CD68: variants seen among roughly 807,000 people sequenced by gnomAD.
The protein encoded by CD68 is CD68 molecule, also known as macrosialin.
A neutral mutation model predicts 31.3 loss-of-function variants in CD68; 24 were observed. The observed-to-expected ratio is 0.77, with a 90% confidence interval of 0.55 to 1.08. The LOEUF is 1.08. CD68 is among the 50% of genes least tolerant of loss of function. The probability of loss-of-function intolerance (pLI) is 0.00; values close to 1 mark genes in which losing one functional copy is unlikely to be tolerated. For synonymous variants in CD68, 190 were observed against 179.6 expected (o/e 1.06, Z -0.46); for missense variants, 461 against 442.5 (o/e 1.04, Z -0.38).
In CD68 at chr17:7,581,569, T is replaced by G. The variant is rs975088476; in HGVS notation, c.*58T>G. On this transcript the variant is annotated 3_prime_UTR_variant, in exon 6 of 6. Transcript: ENST00000250092. ...GTTGGGGTGTGGTGGGGGGGTACCC[T>G]TATTTCCTCGACACGCAACTGGCTC... 6.4e-7 allele frequency: 1 copy of G among 1,562,116 alleles called. No homozygotes were observed. Among genetic ancestry groups the G allele is most frequent in the African/African-American group, 1.4e-5 (1 of 73,778 alleles).
In CD68 at chr17:7,579,723, G is replaced by A; in HGVS notation, c.46G>A (p.Ala16Thr). The A allele has an allele frequency of 6.2e-7, 1 of 1,604,438 alleles. No homozygotes were observed. The highest frequency in any genetic ancestry group is 8.5e-7 in the Non-Finnish European group (1 of 1,176,040). Residue 16 changes from alanine (A) to threonine (T), a missense_variant, in exon 1 of 6, where the codon GCA (alanine) becomes ACA (threonine). Transcript: ENST00000250092. ...LFSGALLGLL[A>T]AQGTGNDCPH... is the part of the protein sequence containing the mutation. Reference sequence around the variant, plus strand: ...CTCGGGGGCCCTGCTGGGGCTACTGGCAGGTAAGGAGGAAGGAGGCTGAGG... The same window carrying A: ...CTCGGGGGCCCTGCTGGGGCTACTGACAGGTAAGGAGGAAGGAGGCTGAGG...
In CD68 at chr17:7,579,953, AC is replaced by A; in HGVS notation, c.195del (p.Thr66ProfsTer131). The A allele has an allele frequency of 6.2e-7, 1 of 1,613,706 alleles. No individual in the cohort carries two copies. The highest frequency in any genetic ancestry group is 8.5e-7 in the Non-Finnish European group (1 of 1,179,816). ...CCACAAAACCACCACTCACAGGACA[AC>A]CACCACAGGCACCACCAGCCACGGA... ...KSHKTTTHRT[T>X]TTGTTSHGPT... On this transcript the variant is annotated frameshift_variant, in exon 2 of 6. Transcript: ENST00000250092. LOFTEE classifies it high-confidence loss of function.
Position 7,580,390 on chromosome 17 carries a change from A to C in CD68, c.567+63A>C. On this transcript the variant is annotated intron_variant, in intron 2 of 5. Coordinates refer to ENST00000250092, the MANE Select transcript of CD68 (RefSeq NM_001251.3). This position sits in a 1 kb window ranked among gnomAD's most constrained non-coding sequence, Gnocchi z 4.3. ...AGGACTGGATATAGGCTCAGAGGGA[A>C]GAAGGAAGAGGGGACAGGGAACCTT... The C allele has an allele frequency of 3.7e-6, 6 of 1,609,832 alleles. No individual in the cohort carries two copies. Among genetic ancestry groups the C allele is most frequent in the Non-Finnish European group, 5.1e-6 (6 of 1,177,058 alleles).
At position 7,580,384 on chromosome 17, in the gene CD68, G is replaced by A. The variant is rs1180330737; in HGVS notation, c.567+57G>A. On this transcript the variant is annotated intron_variant, in intron 2 of 5. Coordinates refer to ENST00000250092, the MANE Select transcript of CD68 (RefSeq NM_001251.3). The surrounding 1 kb of genome is among the most constrained non-coding windows in gnomAD (Gnocchi z 4.3). The stretch of plus-strand genomic sequence containing the variant: ...GGAGGCAGGACTGGATATAGGCTCA[G>A]AGGGAAGAAGGAAGAGGGGACAGGG... 6.2e-6 allele frequency: 10 copies of A among 1,609,550 alleles called. No homozygotes were observed. The highest frequency in any genetic ancestry group is 5.0e-5 in the Admixed American group (3 of 59,762).
Position 7,580,109 on chromosome 17 carries a change from G to A in CD68, c.349G>A (p.Gly117Arg). Reference protein sequence around the residue: ...ATHSPATTSHGNATVHPTSNS... With the variant: ...ATHSPATTSHRNATVHPTSNS... ...TCACAGTCCTGCCACCACTAGTCAT[G>A]GAAATGCCACGGTTCATCCAACAAG... Residue 117 changes from glycine (G) to arginine (R), a missense_variant, in exon 2 of 6, where the codon GGA becomes AGA. Coordinates refer to ENST00000250092, the MANE Select transcript of CD68 (RefSeq NM_001251.3). The surrounding 1 kb of genome is among the most constrained non-coding windows in gnomAD (Gnocchi z 4.3). 6.2e-7 allele frequency: 1 copy of A among 1,614,076 alleles called. No individual in the cohort carries two copies. The highest frequency in any genetic ancestry group is 1.3e-5 in the African/African-American group (1 of 75,000).
At position 7,579,639 on chromosome 17, in the gene CD68, C is replaced by G. The variant is rs758679388; in HGVS notation, c.-39C>G. The stretch of plus-strand genomic sequence containing the variant: ...AGGGAGCAGGGTTGAGCAACTGGTG[C>G]AGACAGCCTAGCTGGACTTTGGGTG... On this transcript the variant is annotated 5_prime_UTR_variant, in exon 1 of 6. Transcript: ENST00000250092. The G allele has an allele frequency of 6.3e-7, 1 of 1,587,648 alleles. No homozygotes were observed. Among genetic ancestry groups the G allele is most frequent in the Non-Finnish European group, 8.6e-7 (1 of 1,167,314 alleles).
Position 7,579,983 on chromosome 17 carries a change from A to C in CD68, c.223A>C (p.Thr75Pro). Reference sequence around the variant, plus strand: ...CACAGGCACCACCAGCCACGGACCCACGACTGCCACTCACAACCCCACCAC... The same window carrying C: ...CACAGGCACCACCAGCCACGGACCCCCGACTGCCACTCACAACCCCACCAC... ...TTTGTTSHGP[T>P]TATHNPTTTS... Residue 75 changes from threonine (T) to proline (P), a missense_variant, in exon 2 of 6, where the codon ACG becomes CCG. Coordinates refer to ENST00000250092, the MANE Select transcript of CD68 (RefSeq NM_001251.3). 2 of 1,609,034 alleles carry C rather than the reference A, an allele frequency of 1.2e-6. No homozygotes were observed. The highest frequency in any genetic ancestry group is 1.7e-6 in the Non-Finnish European group (2 of 1,175,896).
chr17:7,581,102 C>T, intron 5 of CD68, 36 bp downstream of exon 5: 1 of 1,572,562 alleles, frequency 6.4e-7, no homozygotes, highest in Non-Finnish European at 8.7e-7. Context: ...CTAGAATCCT[C>T]CCACTGCACT....
chr17:7,580,793 C>G lies in CD68; in HGVS notation c.760+10C>G, dbSNP rs770873295. ...TTCCCCCACGCAGCACGTAAGTAACCTCCTTCCCTTTCTCATTGCTACCAC... is the reference window on the plus strand; with the variant it reads ...TTCCCCCACGCAGCACGTAAGTAACGTCCTTCCCTTTCTCATTGCTACCAC... On this transcript the variant is annotated intron_variant, in intron 4 of 5. Coordinates refer to ENST00000250092, the MANE Select transcript of CD68 (RefSeq NM_001251.3). This position sits in a 1 kb window ranked among gnomAD's most constrained non-coding sequence, Gnocchi z 4.3. 3.1e-6 allele frequency: 5 copies of G among 1,613,870 alleles called. No individual in the cohort carries two copies. In the African/African-American group the frequency reaches 6.7e-5, roughly 22 times the overall value.
chr17:7,580,538 C>T lies in CD68; in HGVS notation c.640C>T (p.Leu214=), dbSNP rs1288331576. ...QGSCEGAHPH[L]LLSFPYGHLS... is the part of the protein sequence containing the mutation. ...AAGCTGTGAGGGTGCCCATCCCCACCTGCTTCTCTCATTCCCCTATGGACA... is the reference window on the plus strand; with the variant it reads ...AAGCTGTGAGGGTGCCCATCCCCACTTGCTTCTCTCATTCCCCTATGGACA... Residue 214 remains leucine, a synonymous_variant, in exon 3 of 6, where the codon CTG becomes TTG. Coordinates refer to ENST00000250092, the MANE Select transcript of CD68 (RefSeq NM_001251.3). This position sits in a 1 kb window ranked among gnomAD's most constrained non-coding sequence, Gnocchi z 4.3. The T allele has an allele frequency of 1.5e-5, 24 of 1,613,970 alleles. No homozygotes were observed. Among genetic ancestry groups the T allele is most frequent in the Non-Finnish European group, 1.9e-5 (23 of 1,180,012 alleles).
Position 7,581,063 on chromosome 17 carries a change from CAA to C in CD68, c.930_931del (p.Ser311PhefsTer6), listed in dbSNP as rs2071478755. The C allele has an allele frequency of 6.2e-7, 1 of 1,612,694 alleles. No individual in the cohort carries two copies. Among genetic ancestry groups the C allele is most frequent in the African/African-American group, 1.3e-5 (1 of 74,856 alleles). On this transcript the variant is annotated frameshift_variant and splice_region_variant, in exon 5 of 6. Transcript: ENST00000250092. LOFTEE classifies it high-confidence loss of function. ...GCTGCCCCACACAGGGGTCTTTGGG[CAA>C]AGTAAGACCTACCTACTCCTTCCCT... ...AQLPHTGVFG[Q>X]SFSCPSDRSI...
Position 7,580,914 on chromosome 17 carries a change from A to G in CD68, c.779A>G (p.Gln260Arg). ...CCTCCAGAGTGGACATTCTCGGCTC[A>G]GAATGCATCCCTTCGAGATCTCCAA... is the stretch of plus-strand genomic sequence containing the variant. ...PHAAQWTFSAQNASLRDLQAP... is the reference protein window; with the variant it reads ...PHAAQWTFSARNASLRDLQAP... The change falls in exon 5 of 6, where the codon CAG becomes CGG. Residue 260 changes from glutamine to arginine, a missense_variant. Physicochemically the swap from Gln to Arg is conservative, Grantham distance 43. Coordinates refer to ENST00000250092, the MANE Select transcript of CD68 (RefSeq NM_001251.3). The surrounding 1 kb of genome is among the most constrained non-coding windows in gnomAD (Gnocchi z 4.3). 1.2e-6 allele frequency: 2 copies of G among 1,613,924 alleles called. No homozygotes were observed. Among genetic ancestry groups the G allele is most frequent in the Non-Finnish European group, 1.7e-6 (2 of 1,179,934 alleles).
At position 7,581,678 on chromosome 17, in the gene CD68, T is replaced by C; in HGVS notation, c.*167T>C. ...GGCTCATGCCTGTAATCCCAGCACT[T>C]TGGGAGGCTGAGGCAGGTGGATCAC... is the stretch of plus-strand genomic sequence containing the variant. On this transcript the variant is annotated 3_prime_UTR_variant, in exon 6 of 6. Transcript: ENST00000250092. 8.5e-6 allele frequency: 6 copies of C among 708,268 alleles called. No individual in the cohort carries two copies. In the South Asian group the frequency reaches 1.1e-4, roughly 13 times the overall value. 43.9% of individuals were successfully genotyped at this position (708,268 alleles called of 1,614,324 possible).
In CD68 at chr17:7,580,752, G is replaced by A. The variant is rs756742931; in HGVS notation, c.729G>A (p.Val243=). 4 of 1,614,060 alleles carry A rather than the reference G, an allele frequency of 2.5e-6. No individual in the cohort carries two copies. The highest frequency in any genetic ancestry group is 3.4e-6 in the Non-Finnish European group (4 of 1,180,024). The change falls in exon 4 of 6, where the codon GTG becomes GTA. Residue 243 remains valine (V), a synonymous_variant. Coordinates refer to ENST00000250092, the MANE Select transcript of CD68 (RefSeq NM_001251.3). This position sits in a 1 kb window ranked among gnomAD's most constrained non-coding sequence, Gnocchi z 4.3. ...QKVVYLSYMA[V]EYNVSFPHAA... ...TTGTCTACCTGAGCTACATGGCGGT[G>A]GAGTACAATGTGTCCTTCCCCCACG...
In CD68 at chr17:7,580,344, G is replaced by A. The variant is rs78180894; in HGVS notation, c.567+17G>A. On this transcript the variant is annotated intron_variant, in intron 2 of 5. Transcript: ENST00000250092. This position sits in a 1 kb window ranked among gnomAD's most constrained non-coding sequence, Gnocchi z 4.3. ...GGAGGAGAGGTAAAGCTAAAACTGG[G>A]GGATGAGAGGGGAGGGAGGCAGGAC... The A allele has an allele frequency of 1.1e-4, 184 of 1,608,356 alleles. No individual in the cohort carries two copies. Among genetic ancestry groups the A allele is most frequent in the Non-Finnish European group, 1.5e-4 (176 of 1,176,016 alleles).
Position 7,581,643 on chromosome 17 carries a change from C to G in CD68, c.*132C>G, listed in dbSNP as rs536599829. 1.0e-6 allele frequency: 1 copy of G among 976,490 alleles called. No individual in the cohort carries two copies. The highest frequency in any genetic ancestry group is 2.6e-5 in the East Asian group (1 of 38,298). The allele number at this position is 976,490 out of a possible 1,614,324, so 60.5% of individuals were successfully genotyped here. On this transcript the variant is annotated 3_prime_UTR_variant, in exon 6 of 6. Transcript: ENST00000250092. ...CTTTCTTGAAGAACAAAAAGAAAGCCGGGCATGACGGCTCATGCCTGTAAT... is the reference window on the plus strand; with the variant it reads ...CTTTCTTGAAGAACAAAAAGAAAGCGGGGCATGACGGCTCATGCCTGTAAT...
chr17:7,581,854 G>A lies in CD68; in HGVS notation c.*343G>A, dbSNP rs181482462. On this transcript the variant is annotated 3_prime_UTR_variant, in exon 6 of 6. Coordinates refer to ENST00000250092, the MANE Select transcript of CD68 (RefSeq NM_001251.3). Reference sequence around the variant, plus strand: ...GAGGCAGAACTGCTTGAACCCAGGAGGTGGAGGTTGCAGTGAGCCGTCATC... The same window carrying A: ...GAGGCAGAACTGCTTGAACCCAGGAAGTGGAGGTTGCAGTGAGCCGTCATC... 3.0e-3 allele frequency: 833 copies of A among 279,252 alleles called. 6 individuals carry two copies. The highest frequency in any genetic ancestry group is 0.017 in the African/African-American group (792 of 46,094). 17.3% of individuals were successfully genotyped at this position (279,252 alleles called of 1,614,324 possible).
In CD68 at chr17:7,579,795, C is replaced by T. The variant is rs760461510; in HGVS notation, c.50-15C>T. The T allele has an allele frequency of 4.3e-6, 7 of 1,609,684 alleles. No homozygotes were observed. The highest frequency in any genetic ancestry group is 3.3e-5 in the Admixed American group (2 of 59,768). ...GCCTGCCCTGGGTTGCTAACCATCT[C>T]CTCTCTGCCAAAAGCCCAGGGGACA... On this transcript the variant is annotated splice_polypyrimidine_tract_variant and intron_variant, in intron 1 of 5. Coordinates refer to ENST00000250092, the MANE Select transcript of CD68 (RefSeq NM_001251.3).
At position 7,580,844 on chromosome 17, in the gene CD68, T is replaced by C. The variant is rs2071475715; in HGVS notation, c.761-52T>C. On this transcript the variant is annotated intron_variant, in intron 4 of 5. Transcript: ENST00000250092. The surrounding 1 kb of genome is among the most constrained non-coding windows in gnomAD (Gnocchi z 4.3). ...TAGACGCCAGGGTTCCTGAAAGGAC[T>C]AAGCTGGGGCCAGGGAGGTGGATAG... 1 of 1,613,714 alleles carries C rather than the reference T, an allele frequency of 6.2e-7. No individual in the cohort carries two copies. Among genetic ancestry groups the C allele is most frequent in the Admixed American group, 1.7e-5 (1 of 60,010 alleles).
Sources: gnomAD v4.1 joint callset for allele counts on GRCh38, gnomAD v4.1.1 for gene constraint, Gnocchi (gnomAD v3.1) non-coding constraint, MANE v1.5 for transcripts, NCBI Gene and HGNC (gene_info 2026-07-23, HGNC 2026-07-21) for gene names.